Variants in DLGAP1 observed in about 807,000 individuals in gnomAD.
DLGAP1 encodes the protein disks large-associated protein 1.
In DLGAP1, 11 loss-of-function variants were observed where a neutral mutation model predicts 90.8. That is an observed-to-expected ratio of 0.12 (90% CI 0.08 to 0.20). The LOEUF (loss-of-function observed/expected upper bound fraction) is 0.20. DLGAP1 is among the 10% of genes least tolerant of loss of function. The probability of loss-of-function intolerance (pLI) is 1.00; values close to 1 mark genes in which losing one functional copy is unlikely to be tolerated. For missense variants in DLGAP1, 1,050 were observed against 1,333.8 expected, an observed-to-expected ratio of 0.79 and a Z score of 3.31; for synonymous variants, 558 against 540.7, an observed-to-expected ratio of 1.03 and a Z score of -0.44.
At chr18:3,554,438 T>A (rs1212392573) in intron 9 of DLGAP1, among the ~76,000 whole-genome samples, 1 of 152,134 alleles carries the variant, frequency 6.6e-6, no homozygotes, top group Non-Finnish European at 1.5e-5. Context: ...AGAGGAGCAG[T>A]CTCCTTTCAA....
intron 2 of DLGAP1, among the ~76,000 whole-genome samples, chr18:4,123,459 T>G (rs938691481): frequency 1.3e-5 from 2 of 152,020 alleles, no homozygotes; most frequent in African/African-American, 4.8e-5. Context: ...CCCAATAAAG[T>G]CTACTCGTGG....
intron 2 of DLGAP1, among the ~76,000 whole-genome samples, chr18:4,034,374 C>T (rs948861752): frequency 6.6e-6 from 1 of 152,058 alleles, no homozygotes; most frequent in Non-Finnish European, 1.5e-5. Context: ...TCACTGTATC[C>T]ATTTTAGCCA....
chr18:4,332,143 G>A (rs2080966744), intron 1 of DLGAP1, among the ~76,000 whole-genome samples: 2 of 151,784 alleles, frequency 1.3e-5, no homozygotes, highest in African/African-American at 2.4e-5. Context: ...CTTTGACCAT[G>A]ATTGGAATGG....
intron 4 of DLGAP1, among the ~76,000 whole-genome samples, chr18:3,860,468 T>C (rs950075666): frequency 1.3e-5 from 2 of 152,226 alleles, no homozygotes; most frequent in Non-Finnish European, 2.9e-5. Flanking sequence ...GAGGAGACCA[T>C]GGCAGATAGA....
chr18:3,945,321 C>T (rs1460661041), intron 3 of DLGAP1, among the ~76,000 whole-genome samples: 1 of 152,164 alleles, frequency 6.6e-6, no homozygotes, highest in African/African-American at 2.4e-5. Flanking sequence ...AATCCCTAGG[C>T]AAAGTATGAA....
chr18:3,914,939 C>T (rs150668063), intron 3 of DLGAP1, among the ~76,000 whole-genome samples: 2,797 of 152,170 alleles, frequency 0.018, 49 homozygotes, highest in Non-Finnish European at 0.025. Flanking sequence ...GACAGGGTTT[C>T]GCCATGTTGC....
chr18:3,822,050 T>C (rs913737772), intron 4 of DLGAP1: 3 of 881,784 alleles, frequency 3.4e-6, no homozygotes, highest in South Asian at 5.2e-5. Context: ...AGAGCAAGAA[T>C]AGGAAAATTA....
chr18:4,130,044 A>C (rs1323839244), intron 2 of DLGAP1, among the ~76,000 whole-genome samples: 1 of 152,174 alleles, frequency 6.6e-6, no homozygotes, highest in Non-Finnish European at 1.5e-5. Context: ...ACCATGTCCA[A>C]ACCTTCCAGA....
intron 7 of DLGAP1, among the ~76,000 whole-genome samples, chr18:3,720,055 C>T (rs932842829): frequency 1.3e-5 from 2 of 152,160 alleles, no homozygotes; most frequent in Non-Finnish European, 2.9e-5. Context: ...GTCAGACATA[C>T]ATCTCTACAG....
chr18:4,242,898 G>A (rs2078572426), intron 1 of DLGAP1, among the ~76,000 whole-genome samples: 1 of 152,154 alleles, frequency 6.6e-6, no homozygotes, highest in Admixed American at 6.5e-5. Context: ...GGTCACACAT[G>A]TAGTACCCAC....
At chr18:3,648,957 G>C (rs1385151893) in intron 7 of DLGAP1, among the ~76,000 whole-genome samples, 1 of 152,188 alleles carries the variant, frequency 6.6e-6, no homozygotes, top group Non-Finnish European at 1.5e-5. Flanking sequence ...CTAATTTGTT[G>C]TTAAGTGCTC....
intron 2 of DLGAP1, among the ~76,000 whole-genome samples, chr18:4,070,834 A>G (rs9789147): frequency 0.53 from 80,670 of 151,916 alleles, 22,437 homozygotes; most frequent in Non-Finnish European, 0.63. Context: ...AATTTAATAC[A>G]TGCCTCTCAG....
intron 7 of DLGAP1, among the ~76,000 whole-genome samples, chr18:3,656,459 T>C (rs1473236186): frequency 6.6e-6 from 1 of 152,176 alleles, no homozygotes; most frequent in Non-Finnish European, 1.5e-5. Flanking sequence ...AATAGGATGC[T>C]AGGGACCAGC....
intron 3 of DLGAP1, among the ~76,000 whole-genome samples, chr18:3,951,950 G>A (rs942499265): frequency 6.6e-6 from 1 of 152,114 alleles, no homozygotes; most frequent in Non-Finnish European, 1.5e-5. Context: ...ATAGCAGTGT[G>A]AAAATGGACT....
chr18:3,873,978 GC>G (rs2070907730), intron 4 of DLGAP1, among the ~76,000 whole-genome samples: 1 of 152,108 alleles, frequency 6.6e-6, no homozygotes, highest in African/African-American at 2.4e-5. Context: ...GTCTCCATCT[GC>G]TTTTTTACTA....
At chr18:3,854,993 A>G (rs1402420073) in intron 4 of DLGAP1, among the ~76,000 whole-genome samples, 2 of 152,230 alleles carry the variant, frequency 1.3e-5, no homozygotes, top group Non-Finnish European at 2.9e-5. Flanking sequence ...TTCTTAAAGA[A>G]TTGCTGAAGG....
In DLGAP1 at chr18:4,438,242, G is replaced by A. The variant is rs1445280630; in HGVS notation, c.-267+16764C>T. 3.3e-5 allele frequency among the ~76,000 whole-genome samples: 5 copies of A among 152,038 alleles called. No individual in the cohort carries two copies. The East Asian group carries it at 9.7e-4, about 29-fold the overall frequency. On this transcript the variant is annotated intron_variant, in intron 1 of 12. Coordinates refer to ENST00000315677, the MANE Select transcript of DLGAP1 (RefSeq NM_004746.4). ...TCAAACATGGTGCATGGCGAATAAG[G>A]AATCAACAAATGTTGTGAAGTACTA...
chr18:4,327,138 T>G (rs1229615080), intron 1 of DLGAP1, among the ~76,000 whole-genome samples: 3 of 152,100 alleles, frequency 2.0e-5, no homozygotes, highest in Admixed American at 1.3e-4. Context: ...GTTTTTGAGA[T>G]GTACTGCACA....
chr18:3,932,875 A>G (rs2072549651), intron 3 of DLGAP1, among the ~76,000 whole-genome samples: 1 of 152,208 alleles, frequency 6.6e-6, no homozygotes, highest in East Asian at 1.9e-4. Flanking sequence ...TCCTAGATGC[A>G]GCATGGAAGC....
Sources: allele counts gnomAD v4.1 joint callset (sites outside exome capture counted in the v4.1 genomes callset), GRCh38; gene constraint gnomAD v4.1.1; transcripts MANE v1.5; gene names NCBI Gene and HGNC (gene_info 2026-07-23, HGNC 2026-07-21).